CADM2: variants seen among roughly 807,000 people sequenced by gnomAD.
CADM2 encodes cell adhesion molecule 2, also known as immunoglobulin superfamily member 4D.
In CADM2, 12 loss-of-function variants were observed where a neutral mutation model predicts 49.8. The ratio of observed to expected loss-of-function variants is 0.24; its 90% CI spans 0.15 to 0.39. The LOEUF is 0.39. CADM2 is among the 10% of genes least tolerant of loss of function. CADM2 has a pLI of 1.00. For missense variants in CADM2, 378 were observed against 492.3 expected, an observed-to-expected ratio of 0.77 and a Z score of 2.20; for synonymous variants, 214 against 175.4, an observed-to-expected ratio of 1.22 and a Z score of -1.74.
At chr3:85,974,174 T>G (rs1726498371) in intron 8 of CADM2, among the ~76,000 whole-genome samples, 2 of 151,652 alleles carry the variant, frequency 1.3e-5, no homozygotes, top group Non-Finnish European at 1.5e-5. Flanking sequence ...AGAAGGAAGA[T>G]ATTAACTCTT....
At chr3:85,432,255 G>A (rs1467300193) in intron 1 of CADM2, among the ~76,000 whole-genome samples, 7 of 151,796 alleles carry the variant, frequency 4.6e-5, no homozygotes, top group South Asian at 2.1e-4. Context: ...ACTTCTAGAC[G>A]CAGCCATAGA....
Position 85,115,659 on chromosome 3 carries a change from C to T in CADM2, c.61+155991C>T, listed in dbSNP as rs114392087. 6.5e-3 allele frequency among the ~76,000 whole-genome samples: 989 copies of T among 152,074 alleles called. 12 individuals carry two copies. The highest frequency in any genetic ancestry group is 0.022 in the African/African-American group (893 of 41,476). On this transcript the variant is annotated intron_variant, in intron 1 of 9. Coordinates refer to ENST00000383699, the MANE Select transcript of CADM2 (RefSeq NM_001167675.2). ...GTAAAAATCTAGGATTACAACAAGC[C>T]CAAAATTTTATTATGTCAAGGTAAA...
At chr3:85,292,194 G>A (rs866362836) in intron 1 of CADM2, among the ~76,000 whole-genome samples, 5 of 149,322 alleles carry the variant, frequency 3.3e-5, no homozygotes, top group Non-Finnish European at 2.9e-5. Context: ...GACAAAGAAG[G>A]CCATTACATA....
At chr3:85,943,944 G>C (rs1722303373) in intron 7 of CADM2, among the ~76,000 whole-genome samples, 1 of 151,854 alleles carries the variant, frequency 6.6e-6, no homozygotes, top group Non-Finnish European at 1.5e-5. Context: ...AATGCAAATG[G>C]GCTAAATGCT....
chr3:85,897,365 G>T (rs370946906), intron 5 of CADM2, among the ~76,000 whole-genome samples: 7 of 139,954 alleles, frequency 5.0e-5, no homozygotes, highest in African/African-American at 1.9e-4. Context: ...CGCTTCCCGG[G>T]TTCACGCCAT....
intron 1 of CADM2, among the ~76,000 whole-genome samples, chr3:85,567,953 A>G (rs1249040771): frequency 2.0e-5 from 3 of 152,162 alleles, no homozygotes; most frequent in Admixed American, 6.5e-5. Context: ...GCCCCGCTCT[A>G]GGGAGCTCTC....
chr3:85,028,770 A>C (rs532894326), intron 1 of CADM2, among the ~76,000 whole-genome samples: 1 of 152,066 alleles, frequency 6.6e-6, no homozygotes, highest in African/African-American at 2.4e-5. Context: ...CAGTGAGAAA[A>C]CTCAAGAAAT....
chr3:85,496,837 CTTTA>C (rs2039924937), intron 1 of CADM2, among the ~76,000 whole-genome samples: 1 of 151,882 alleles, frequency 6.6e-6, no homozygotes, highest in South Asian at 2.1e-4. Flanking sequence ...ACTTGTATGT[CTTTA>C]TTTATTTATT....
intron 2 of CADM2, among the ~76,000 whole-genome samples, chr3:85,766,531 A>C (rs2069663949): frequency 6.6e-6 from 1 of 152,232 alleles, no homozygotes; most frequent in African/African-American, 2.4e-5. Flanking sequence ...TAAGTTTTCA[A>C]GTGAGTGGCA....
intron 8 of CADM2, among the ~76,000 whole-genome samples, chr3:85,985,212 C>A (rs1223588108): frequency 2.0e-5 from 3 of 151,604 alleles, no homozygotes; most frequent in Non-Finnish European, 2.9e-5. Context: ...TGTTAAGGGC[C>A]CATTACTCAT....
At chr3:85,864,874 CT>C (rs1418899563) in intron 3 of CADM2, among the ~76,000 whole-genome samples, 1 of 152,024 alleles carries the variant, frequency 6.6e-6, no homozygotes, top group African/African-American at 2.4e-5. Flanking sequence ...TTTTTGCTAT[CT>C]TTTTTCTAGC....
At chr3:85,652,658 G>A (rs1188363495) in intron 1 of CADM2, among the ~76,000 whole-genome samples, 1 of 151,956 alleles carries the variant, frequency 6.6e-6, no homozygotes, top group Admixed American at 6.5e-5. Flanking sequence ...ATGTGTGGTG[G>A]GGGAAAGAAA....
At chr3:85,873,674 A>T (rs1711498778) in intron 3 of CADM2, among the ~76,000 whole-genome samples, 1 of 152,184 alleles carries the variant, frequency 6.6e-6, no homozygotes, top group African/African-American at 2.4e-5. Flanking sequence ...ATCTCAAAAA[A>T]ATAAAATTAA....
At chr3:85,379,906 G>A (rs896947829) in intron 1 of CADM2, among the ~76,000 whole-genome samples, 1 of 151,966 alleles carries the variant, frequency 6.6e-6, no homozygotes, top group Admixed American at 6.6e-5. Flanking sequence ...CTCTGACCCA[G>A]CTTATTGTCT....
intron 1 of CADM2, among the ~76,000 whole-genome samples, chr3:85,290,285 C>A (rs895843959): frequency 6.6e-6 from 1 of 152,130 alleles, no homozygotes; most frequent in Non-Finnish European, 1.5e-5. Flanking sequence ...CTCGGAGGGT[C>A]CTACGCCCAC....
chr3:86,032,930 A>T (rs940154219), intron 8 of CADM2, among the ~76,000 whole-genome samples: 1 of 151,764 alleles, frequency 6.6e-6, no homozygotes, highest in Non-Finnish European at 1.5e-5. Flanking sequence ...TTCTTTGATG[A>T]GAGATTTCTT....
intron 1 of CADM2, among the ~76,000 whole-genome samples, chr3:85,435,194 AGT>A (rs1553723117): frequency 6.6e-6 from 1 of 151,816 alleles, no homozygotes; most frequent in Non-Finnish European, 1.5e-5. Context: ...AATAGGCCCC[AGT>A]GTGTGATGTT....
At chr3:85,888,492 T>C (rs937075942) in intron 5 of CADM2, among the ~76,000 whole-genome samples, 1 of 152,304 alleles carries the variant, frequency 6.6e-6, no homozygotes. Flanking sequence ...AGAATCAGAA[T>C]ATGGTTCTAT....
intron 2 of CADM2, among the ~76,000 whole-genome samples, chr3:85,781,532 C>T (rs897311021): frequency 1.3e-5 from 2 of 152,110 alleles, no homozygotes; most frequent in African/African-American, 2.4e-5. Flanking sequence ...TTTCATAGTC[C>T]TTCTTCTAAG....
Sources: allele counts gnomAD v4.1 joint callset (sites outside exome capture counted in the v4.1 genomes callset), GRCh38; gene constraint gnomAD v4.1.1; transcripts MANE v1.5; gene names NCBI Gene and HGNC (gene_info 2026-07-23, HGNC 2026-07-21).